The following SLC8A1 variants were observed in gnomAD, a reference collection of about 807,000 sequenced individuals.
The protein encoded by SLC8A1 is sodium/calcium exchanger 1.
In SLC8A1, 18 loss-of-function variants were observed where a neutral mutation model predicts 68.3. The ratio of observed to expected loss-of-function variants is 0.26; its 90% confidence interval spans 0.18 to 0.39. The LOEUF (loss-of-function observed/expected upper bound fraction) is 0.39. Ranked by LOEUF, SLC8A1 falls within the 10% of genes least tolerant of loss-of-function variation. The probability of loss-of-function intolerance (pLI) is 1.00; values close to 1 mark genes in which losing one functional copy is unlikely to be tolerated. For missense variants in SLC8A1, 985 were observed against 1,156.7 expected, an observed-to-expected ratio of 0.85 and a Z score of 2.15; for synonymous variants, 475 against 415.5, an observed-to-expected ratio of 1.14 and a Z score of -1.74.
intron 2 of SLC8A1, 78 bp downstream of exon 2, chr2:40,428,393 GCA>G: frequency 7.0e-7 from 1 of 1,422,110 alleles, no homozygotes; most frequent in Non-Finnish European, 9.2e-7. Flanking sequence ...AAAAAATGAT[GCA>G]CAGACTCACA....
intron 2 of SLC8A1, among the ~76,000 whole-genome samples, chr2:40,214,489 C>A (rs992390556): frequency 6.7e-6 from 1 of 149,938 alleles, no homozygotes; most frequent in Non-Finnish European, 1.5e-5. Flanking sequence ...GTCTCCTGGG[C>A]TGGAGTGCAA....
intron 1 of SLC8A1, among the ~76,000 whole-genome samples, chr2:40,509,411 T>A (rs927085549): frequency 2.0e-5 from 3 of 151,644 alleles, no homozygotes; most frequent in Non-Finnish European, 4.4e-5. Context: ...TCCCAGCTTT[T>A]AATCACCTGA....
At chr2:40,130,374 T>A (rs558809005) in intron 7 of SLC8A1, among the ~76,000 whole-genome samples, 1 of 152,380 alleles carries the variant, frequency 6.6e-6, no homozygotes, top group Non-Finnish European at 1.5e-5. Context: ...TTAACTCTAA[T>A]GACATCATCT....
At chr2:40,287,577 G>C (rs1264063115) in intron 2 of SLC8A1, among the ~76,000 whole-genome samples, 1 of 88,742 alleles carries the variant, frequency 1.1e-5, no homozygotes, top group Non-Finnish European at 2.2e-5. Context: ...CTTGGCAGAG[G>C]AATGATGTGT....
chr2:40,334,408 T>C (rs1665277203), intron 2 of SLC8A1, among the ~76,000 whole-genome samples: 1 of 152,248 alleles, frequency 6.6e-6, no homozygotes, highest in Admixed American at 6.5e-5. Context: ...TAAGGCCATA[T>C]ATCTGGACAA....
At chr2:40,385,971 A>G (rs1683424118) in intron 2 of SLC8A1, among the ~76,000 whole-genome samples, 1 of 94,032 alleles carries the variant, frequency 1.1e-5, no homozygotes, top group Admixed American at 1.1e-4. Context: ...TCTGAATTAT[A>G]ATAGGTGATT....
chr2:40,457,942 G>A (rs937789158), intron 1 of SLC8A1, among the ~76,000 whole-genome samples: 5 of 152,226 alleles, frequency 3.3e-5, no homozygotes, highest in African/African-American at 7.2e-5. Flanking sequence ...CTGGCTGTAC[G>A]CATGTATCAG....
At chr2:40,173,337 T>C (rs1394309028) in intron 4 of SLC8A1, among the ~76,000 whole-genome samples, 2 of 152,192 alleles carry the variant, frequency 1.3e-5, no homozygotes, top group African/African-American at 4.8e-5. Context: ...AAATAACCTT[T>C]AGTAGTGCAC....
At chr2:40,127,706 T>C (rs1026392290) in intron 7 of SLC8A1, among the ~76,000 whole-genome samples, 1 of 152,150 alleles carries the variant, frequency 6.6e-6, no homozygotes, top group Non-Finnish European at 1.5e-5. Context: ...AATAATAGCT[T>C]ATAATTTATG....
chr2:40,397,906 A>T (rs975629386), intron 2 of SLC8A1, among the ~76,000 whole-genome samples: 1 of 152,152 alleles, frequency 6.6e-6, no homozygotes, highest in Non-Finnish European at 1.5e-5. Flanking sequence ...TAAATTTATC[A>T]TGGTTGGGTA....
intron 2 of SLC8A1, among the ~76,000 whole-genome samples, chr2:40,356,944 G>T (rs1344325814): frequency 6.6e-6 from 1 of 151,970 alleles, no homozygotes; most frequent in Non-Finnish European, 1.5e-5. Context: ...TCTGCTTCTT[G>T]TCACCAACCA....
intron 2 of SLC8A1, among the ~76,000 whole-genome samples, chr2:40,281,800 C>T (rs771574998): frequency 2.2e-4 from 33 of 152,168 alleles, no homozygotes; most frequent in Non-Finnish European, 4.4e-4. Context: ...TTCTGTAAGC[C>T]GGAATCAGCT....
intron 2 of SLC8A1, among the ~76,000 whole-genome samples, chr2:40,359,969 C>A (rs1437600352): frequency 6.6e-6 from 1 of 151,050 alleles, no homozygotes; most frequent in Admixed American, 6.6e-5. Context: ...TGAGTAACGG[C>A]TGTGCAAGAG....
chr2:40,348,019 G>A (rs747691964), intron 2 of SLC8A1, among the ~76,000 whole-genome samples: 2 of 152,144 alleles, frequency 1.3e-5, no homozygotes, highest in Non-Finnish European at 2.9e-5. Context: ...ATTTGCTCCA[G>A]TGCTTCTTTA....
intron 2 of SLC8A1, among the ~76,000 whole-genome samples, chr2:40,315,293 A>G (rs2074284754): frequency 6.6e-6 from 1 of 151,892 alleles, no homozygotes; most frequent in Non-Finnish European, 1.5e-5. Flanking sequence ...GTGGTTATCA[A>G]TACAGTAATA....
chr2:40,235,950 C>G (rs930224371), intron 2 of SLC8A1, among the ~76,000 whole-genome samples: 5 of 151,438 alleles, frequency 3.3e-5, no homozygotes, highest in Admixed American at 2.6e-4. Context: ...TTTGATTGCA[C>G]TGTGGTCTGA....
chr2:40,341,059 TGGA>T (rs1183371445), intron 2 of SLC8A1, among the ~76,000 whole-genome samples: 1 of 152,144 alleles, frequency 6.6e-6, no homozygotes, highest in East Asian at 1.9e-4. Context: ...TAGAAAGGAA[TGGA>T]GTAGTAGAGA....
At chr2:40,442,038 C>T (rs1218958459) in intron 1 of SLC8A1, among the ~76,000 whole-genome samples, 4 of 106,622 alleles carry the variant, frequency 3.8e-5, no homozygotes, top group Non-Finnish European at 5.2e-5. Flanking sequence ...TGAATAGTGC[C>T]GCAATAGTGG....
At position 40,164,992 on chromosome 2, in the gene SLC8A1, AC is replaced by A; in HGVS notation, c.1931-9del. 1 of 1,613,624 alleles carries A rather than the reference AC, an allele frequency of 6.2e-7. No individual in the cohort carries two copies. Among genetic ancestry groups the A allele is most frequent in the Non-Finnish European group, 8.5e-7 (1 of 1,179,782 alleles). ...GCTTGTCATCATATTCGTCTGTGAA[AC>A]GGAAGTATCAGAGAGTGAGCACTGT... On this transcript the variant is annotated splice_polypyrimidine_tract_variant and intron_variant, in intron 4 of 7. Transcript: ENST00000406785.
Sources: gnomAD v4.1 joint callset for allele counts (sites outside exome capture counted in the v4.1 genomes callset) on GRCh38, gnomAD v4.1.1 for gene constraint, MANE v1.5 for transcripts, NCBI Gene and HGNC (gene_info 2026-07-23, HGNC 2026-07-21) for gene names.